The following ADGRL3 variants were observed in gnomAD, a reference collection of about 807,000 sequenced individuals.
The protein encoded by ADGRL3 is adhesion G protein-coupled receptor L3, also known as calcium-independent alpha-latrotoxin receptor 3.
ADGRL3 carries 62 observed loss-of-function variants against 153.5 expected under a neutral mutation model. That is an observed-to-expected ratio of 0.40 (90% CI 0.33 to 0.50). ADGRL3 has a LOEUF of 0.50. ADGRL3 is among the 20% of genes least tolerant of loss of function. The pLI, the probability that ADGRL3 is intolerant of heterozygous loss-of-function variation, is 0.47. For synonymous variants in ADGRL3, 710 were observed against 672.5 expected, an observed-to-expected ratio of 1.06 and a Z score of -0.86; for missense variants, 1,641 against 1,859.4, an observed-to-expected ratio of 0.88 and a Z score of 2.16.
At chr4:61,575,773 T>G (rs1381114005) in intron 4 of ADGRL3, among the ~76,000 whole-genome samples, 1 of 152,058 alleles carries the variant, frequency 6.6e-6, no homozygotes, top group Admixed American at 6.6e-5. Context: ...CAACTTGTGT[T>G]TAATTATATG....
intron 1 of ADGRL3, among the ~76,000 whole-genome samples, chr4:61,318,193 CAA>C (rs757545966): frequency 8.2e-5 from 4 of 48,594 alleles, no homozygotes; most frequent in African/African-American, 1.7e-4. Context: ...GAACCTGTCT[CAA>C]AAAAAAAAAA....
In ADGRL3 at chr4:61,830,822, C is replaced by T. The variant is rs557791458; in HGVS notation, c.1480+16933C>T. On this transcript the variant is annotated intron_variant, in intron 9 of 26. Transcript: ENST00000683033. ...GGGCTAGAGATGCCAAAAAGGAGAT[C>T]GTGTCTGTGTCATAATATTATTGAC... Among the ~76,000 whole-genome samples the T allele has an allele frequency of 1.3e-3, 198 of 152,228 alleles. 1 individual carries two copies. The highest frequency in any genetic ancestry group is 4.4e-3 in the African/African-American group (183 of 41,544).
intron 8 of ADGRL3, among the ~76,000 whole-genome samples, chr4:61,743,001 T>A (rs1580557296): frequency 2.5e-5 from 3 of 121,196 alleles, no homozygotes. Flanking sequence ...TAGCCTTAAA[T>A]TTTTTTTTTT....
chr4:61,306,934 T>A (rs1245123312), intron 1 of ADGRL3, among the ~76,000 whole-genome samples: 1 of 152,200 alleles, frequency 6.6e-6, no homozygotes, highest in Non-Finnish European at 1.5e-5. Flanking sequence ...CCATTGGCAA[T>A]CTCCTGCTAT....
At chr4:61,758,292 C>T (rs959290873) in intron 8 of ADGRL3, among the ~76,000 whole-genome samples, 1 of 152,094 alleles carries the variant, frequency 6.6e-6, no homozygotes, top group African/African-American at 2.4e-5. Flanking sequence ...TAAAAGTCTG[C>T]CATTATTATT....
chr4:61,465,749 T>TTATATGTAAATA (rs1553936138), intron 2 of ADGRL3, among the ~76,000 whole-genome samples: 1 of 27,794 alleles, frequency 3.6e-5, no homozygotes, highest in Non-Finnish European at 1.3e-4. Flanking sequence ...GATTTTAAAA[T>TTATATGTAAATA]TATATATAAA....
intron 1 of ADGRL3, among the ~76,000 whole-genome samples, chr4:61,232,652 G>A (rs1453712690): frequency 6.6e-6 from 1 of 152,060 alleles, no homozygotes; most frequent in Non-Finnish European, 1.5e-5. Context: ...CATTTTTAAA[G>A]TGGGGTAATA....
At chr4:61,554,632 G>GA (rs1355274435) in intron 4 of ADGRL3, among the ~76,000 whole-genome samples, 2 of 152,074 alleles carry the variant, frequency 1.3e-5, no homozygotes, top group African/African-American at 2.4e-5. Context: ...AAATTGATTT[G>GA]AAAAAAATTG....
At chr4:61,798,570 A>C (rs2097443549) in intron 8 of ADGRL3, among the ~76,000 whole-genome samples, 1 of 151,978 alleles carries the variant, frequency 6.6e-6, no homozygotes, top group Admixed American at 6.6e-5. Flanking sequence ...TTTTTGAACC[A>C]AGGAAAGTAG....
intron 20 of ADGRL3, 44 bp downstream of exon 20, chr4:61,996,401 A>G (rs1378242593): frequency 7.2e-7 from 1 of 1,392,622 alleles, no homozygotes; most frequent in Non-Finnish European, 1.0e-6. Context: ...ATCAAGAAGT[A>G]AAACTTTCAC....
intron 8 of ADGRL3, among the ~76,000 whole-genome samples, chr4:61,792,764 A>C (rs1245727041): frequency 6.6e-6 from 1 of 152,070 alleles, no homozygotes; most frequent in Non-Finnish European, 1.5e-5. Flanking sequence ...CTGGGATTAC[A>C]GGCATTGGCC....
chr4:62,003,606 C>T (rs993656236), intron 21 of ADGRL3, among the ~76,000 whole-genome samples: 21 of 152,008 alleles, frequency 1.4e-4, no homozygotes, highest in Non-Finnish European at 8.8e-5. Flanking sequence ...ATTTGTTGCC[C>T]GTAGAGGATG....
intron 9 of ADGRL3, among the ~76,000 whole-genome samples, chr4:61,847,214 T>A (rs1172245107): frequency 6.6e-6 from 1 of 151,986 alleles, no homozygotes; most frequent in Non-Finnish European, 1.5e-5. Context: ...TCTTTATAAA[T>A]CATGTGGTTA....
intron 17 of ADGRL3, among the ~76,000 whole-genome samples, chr4:61,967,680 C>G (rs1281141835): frequency 6.6e-6 from 1 of 152,184 alleles, no homozygotes; most frequent in Non-Finnish European, 1.5e-5. Flanking sequence ...TGAATTCATT[C>G]TATATGTTGT....
chr4:61,885,983 T>C (rs1057055361), intron 9 of ADGRL3, among the ~76,000 whole-genome samples: 3 of 152,206 alleles, frequency 2.0e-5, no homozygotes, highest in Non-Finnish European at 2.9e-5. Flanking sequence ...TCTTATATGA[T>C]AAAGCCACTA....
intron 1 of ADGRL3, among the ~76,000 whole-genome samples, chr4:61,291,324 T>A (rs1299581872): frequency 1.3e-5 from 2 of 151,580 alleles, no homozygotes; most frequent in African/African-American, 4.9e-5. Context: ...TGTACAATGA[T>A]AAAAATAATA....
chr4:61,366,932 C>G (rs1031109610), intron 1 of ADGRL3, among the ~76,000 whole-genome samples: 4 of 152,154 alleles, frequency 2.6e-5, no homozygotes, highest in African/African-American at 9.7e-5. Context: ...AGTTTTGTAG[C>G]ACAGTTAGCT....
intron 9 of ADGRL3, among the ~76,000 whole-genome samples, chr4:61,879,055 T>C (rs2098493495): frequency 6.6e-6 from 1 of 152,174 alleles, no homozygotes; most frequent in African/African-American, 2.4e-5. Context: ...AATGTTGAAA[T>C]ATCATAGAGT....
intron 2 of ADGRL3, among the ~76,000 whole-genome samples, chr4:61,406,867 T>C (rs941416118): frequency 3.9e-5 from 6 of 152,022 alleles, no homozygotes; most frequent in Non-Finnish European, 7.4e-5. Flanking sequence ...AATGATGTCA[T>C]TGGAATTTGC....
Sources: allele counts gnomAD v4.1 joint callset (sites outside exome capture counted in the v4.1 genomes callset), GRCh38; gene constraint gnomAD v4.1.1; transcripts MANE v1.5; gene names NCBI Gene and HGNC (gene_info 2026-07-23, HGNC 2026-07-21).